AK7: variants seen among roughly 807,000 people sequenced by gnomAD.
AK7 encodes adenylate kinase 7, also known as ATP-AMP transphosphorylase 7.
A neutral mutation model predicts 96.6 loss-of-function variants in AK7; 78 were observed. The ratio of observed to expected loss-of-function variants is 0.81; its 90% CI spans 0.67 to 0.97. AK7 has a LOEUF of 0.97. Among genes scored for constraint, AK7 ranks in the 50% least tolerant of loss-of-function variants. The probability of loss-of-function intolerance (pLI) is 0.00; values close to 1 mark genes in which losing one functional copy is unlikely to be tolerated. For synonymous variants in AK7, 302 were observed against 317.2 expected (o/e 0.95, Z 0.51); for missense variants, 855 against 887.9 (o/e 0.96, Z 0.47).
intron 5 of AK7, chr14:96,423,835 G>A: frequency 1.3e-6 from 1 of 789,120 alleles, no homozygotes; most frequent in Non-Finnish European, 2.3e-6. Context: ...GGTCTCCGGA[G>A]CGGTTGCTGA....
Position 96,488,648 on chromosome 14 carries a change from T to A in AK7, c.*305T>A, listed in dbSNP as rs181767288. ...GTACACTAATGTTTATAGGTATTTA[T>A]AGCATGAAGAAAATCAGACTATATA... On this transcript the variant is annotated 3_prime_UTR_variant, in exon 18 of 18. Transcript: ENST00000267584. 4.4e-4 allele frequency: 101 copies of A among 228,880 alleles called. No homozygotes were observed. The highest frequency in any genetic ancestry group is 6.9e-4 in the Non-Finnish European group (80 of 116,180). 14.2% of individuals were successfully genotyped at this position (228,880 alleles called of 1,614,324 possible). A position where few individuals can be genotyped will look rare whatever the true frequency, so the allele number is the denominator to read the frequency against.
At chr14:96,460,313 A>G (rs531334579) in intron 12 of AK7, among the ~76,000 whole-genome samples, 133 of 152,306 alleles carry the variant, frequency 8.7e-4, no homozygotes, top group Non-Finnish European at 1.6e-3. Flanking sequence ...CTTCGGACTC[A>G]TCTAATGCAG....
At chr14:96,472,598 CT>C in intron 13 of AK7, 88 bp from the exon 14 acceptor site, 6 of 937,830 alleles carry the variant, frequency 6.4e-6, no homozygotes, top group Non-Finnish European at 1.0e-5. Context: ...TTCATTAGTG[CT>C]TGCTACTTAA....
At chr14:96,470,449 G>A (rs1391748855) in intron 12 of AK7, among the ~76,000 whole-genome samples, 1 of 152,140 alleles carries the variant, frequency 6.6e-6, no homozygotes, top group East Asian at 1.9e-4. Flanking sequence ...GAACATTGTA[G>A]CTGTTCAATA....
At chr14:96,417,613 G>A (rs1279940120) in intron 4 of AK7, among the ~76,000 whole-genome samples, 2 of 152,152 alleles carry the variant, frequency 1.3e-5, no homozygotes, top group Non-Finnish European at 2.9e-5. Flanking sequence ...CATCCGAAAT[G>A]TATCATAAAC....
intron 1 of AK7, 47 bp downstream of exon 1, chr14:96,392,306 C>A: frequency 6.6e-7 from 1 of 1,525,888 alleles, no homozygotes; most frequent in Non-Finnish European, 9.1e-7. Context: ...TCTCAGCTCC[C>A]AGCCCTCGGC....
At chr14:96,456,131 C>T (rs1176253888) in intron 10 of AK7, among the ~76,000 whole-genome samples, 2 of 150,474 alleles carry the variant, frequency 1.3e-5, no homozygotes, top group East Asian at 2.0e-4. Flanking sequence ...CTCAGCTACT[C>T]GGGAGGCTGA....
chr14:96,476,813 T>C (rs1175841459), intron 14 of AK7, among the ~76,000 whole-genome samples: 1 of 152,244 alleles, frequency 6.6e-6, no homozygotes, highest in African/African-American at 2.4e-5. Context: ...TTAACTGGAA[T>C]CTTCCACCTC....
At chr14:96,454,427 G>C (rs1346674172) in intron 10 of AK7, among the ~76,000 whole-genome samples, 1 of 151,584 alleles carries the variant, frequency 6.6e-6, no homozygotes, top group Non-Finnish European at 1.5e-5. Flanking sequence ...AAGTTTATCA[G>C]CAGGAGAAAT....
chr14:96,455,249 C>T (rs752056731), intron 10 of AK7, among the ~76,000 whole-genome samples: 1 of 152,100 alleles, frequency 6.6e-6, no homozygotes, highest in Non-Finnish European at 1.5e-5. Flanking sequence ...CTTTGGGAGG[C>T]TGAGGCGGGA....
chr14:96,466,296 G>C (rs374786420), intron 12 of AK7, among the ~76,000 whole-genome samples: 1 of 151,958 alleles, frequency 6.6e-6, no homozygotes, highest in Non-Finnish European at 1.5e-5. Context: ...GAGTGCAGTG[G>C]CATGATCTCG....
At chr14:96,471,379 C>A in intron 12 of AK7, 99 bp from the exon 13 acceptor site, 3 of 572,090 alleles carry the variant, frequency 5.2e-6, no homozygotes, top group Non-Finnish European at 5.3e-6. Flanking sequence ...TCCAATAGTA[C>A]CTTTGACTAC....
At chr14:96,420,092 C>T (rs558993976) in intron 4 of AK7, among the ~76,000 whole-genome samples, 4 of 151,858 alleles carry the variant, frequency 2.6e-5, no homozygotes, top group Admixed American at 2.6e-4. Context: ...TCTCGAACTC[C>T]AGACGTCAGG....
chr14:96,430,277 C>T lies in AK7; in HGVS notation c.610-7558C>T, dbSNP rs193231107. Among the ~76,000 whole-genome samples, 1,174 of 150,678 alleles carry T rather than the reference C, an allele frequency of 7.8e-3. 18 individuals carry two copies. The highest frequency in any genetic ancestry group is 0.047 in the South Asian group (222 of 4,766). On this transcript the variant is annotated intron_variant, in intron 5 of 17. Transcript: ENST00000267584. ...CTCGGCTCACTGCAAGCTCCGCCTC[C>T]TGGGTTCATGCCATTCTCCTGCCTC...
Position 96,473,362 on chromosome 14 carries a change from G to C in AK7, c.1555+607G>C, listed in dbSNP as rs150715874. Reference sequence around the variant, plus strand: ...ATTTTTTTGTATTTTTAGTAGAGACGGGGTTTCACCATGTTAGCCAGGATG... The same window carrying C: ...ATTTTTTTGTATTTTTAGTAGAGACCGGGTTTCACCATGTTAGCCAGGATG... On this transcript the variant is annotated intron_variant, in intron 14 of 17. Coordinates refer to ENST00000267584, the MANE Select transcript of AK7 (RefSeq NM_152327.5). Among the ~76,000 whole-genome samples the C allele has an allele frequency of 3.6e-3, 539 of 151,496 alleles. 4 individuals carry two copies. The highest frequency in any genetic ancestry group is 0.013 in the African/African-American group (518 of 41,382).
intron 6 of AK7, among the ~76,000 whole-genome samples, chr14:96,438,306 G>T (rs561277716): frequency 6.0e-4 from 92 of 152,282 alleles, no homozygotes; most frequent in African/African-American, 2.0e-3. Context: ...TTCAGATGTT[G>T]AAACAGGGTA....
rs754979479 is a variant in AK7 at position 96,399,955 on chromosome 14, C to A, written c.294+1692C>A. 1.4e-4 allele frequency among the ~76,000 whole-genome samples: 22 copies of A among 151,900 alleles called. No individual in the cohort carries two copies. The highest frequency in any genetic ancestry group is 2.6e-4 in the Admixed American group (4 of 15,226). ...AAATCCGACTGCCTCCTAGACCAGT[C>A]CCCGGTTGTCCTGCAGGCATTGCTG... On this transcript the variant is annotated intron_variant, in intron 2 of 17. Transcript: ENST00000267584. This position sits in a 1 kb window ranked among gnomAD's most constrained non-coding sequence, Gnocchi z 4.1.
chr14:96,486,850 C>T (rs1373265970), intron 16 of AK7, 48 bp from the exon 17 acceptor site: 2 of 1,567,556 alleles, frequency 1.3e-6, no homozygotes, highest in Non-Finnish European at 1.8e-6. Flanking sequence ...TGAGTGTTCT[C>T]CCCTTTCTCA....
At chr14:96,444,527 C>A (rs929626429) in intron 7 of AK7, among the ~76,000 whole-genome samples, 5 of 152,076 alleles carry the variant, frequency 3.3e-5, no homozygotes, top group African/African-American at 1.2e-4. Context: ...TGCCAAAGTT[C>A]CAGTCACCAA....
Sources: allele counts gnomAD v4.1 joint callset (sites outside exome capture counted in the v4.1 genomes callset), GRCh38; gene constraint gnomAD v4.1.1; non-coding constraint Gnocchi (gnomAD v3.1); transcripts MANE v1.5; gene names NCBI Gene and HGNC (gene_info 2026-07-23, HGNC 2026-07-21).